TBCCD1: variants seen among roughly 807,000 people sequenced by gnomAD.
TBCCD1 encodes TBCC domain containing 1.
In TBCCD1, 26 loss-of-function variants were observed where a neutral mutation model predicts 53.4. The observed-to-expected ratio is 0.49, with a 90% CI of 0.36 to 0.68. TBCCD1 has a LOEUF of 0.68. Among genes scored for constraint, TBCCD1 ranks in the 30% least tolerant of loss-of-function variants. The pLI is 0.00. For missense variants in TBCCD1, 558 were observed against 669.5 expected, an observed-to-expected ratio of 0.83 and a Z score of 1.84; for synonymous variants, 245 against 241.7, an observed-to-expected ratio of 1.01 and a Z score of -0.13.
In TBCCD1 at chr3:186,558,747, C is replaced by CT. The variant is rs879562542; in HGVS notation, c.337-176dup. Among the ~76,000 whole-genome samples, 638 of 148,984 alleles carry CT rather than the reference C, an allele frequency of 4.3e-3. 6 individuals are homozygous for CT. The highest frequency in any genetic ancestry group is 6.6e-3 in the Non-Finnish European group (440 of 66,926). On this transcript the variant is annotated intron_variant, in intron 2 of 7. Transcript: ENST00000338733. ...TACCCAGATGTAAGAGTTTCTTTTT[C>CT]TTTTTTTTTTGAGACAGAGTTTCAC... is the stretch of plus-strand genomic sequence containing the variant.
chr3:186,564,295 G>A lies in TBCCD1; in HGVS notation c.35C>T (p.Ala12Val). Residue 12 changes from alanine to valine, a missense_variant, in exon 2 of 8, where the codon GCA (alanine) becomes GTA (valine). By Grantham distance (64) the Ala-to-Val change is moderately conservative. Coordinates refer to ENST00000338733, the MANE Select transcript of TBCCD1 (RefSeq NM_018138.5). ...DQSRVLLWVK[A>V]EPFIVGALQV... ...CAAGGCACCCACTATAAAGGGTTCT[G>A]CTTTCACCCAGAGGAGAACTCTGGA... 1 of 1,614,112 alleles carries A rather than the reference G, an allele frequency of 6.2e-7. No individual in the cohort carries two copies. Among genetic ancestry groups the A allele is most frequent in the Non-Finnish European group, 8.5e-7 (1 of 1,179,992 alleles).
At position 186,556,718 on chromosome 3, in the gene TBCCD1, C is replaced by T. The variant is rs200017022; in HGVS notation, c.550G>A (p.Glu184Lys). 1.2e-5 allele frequency: 20 copies of T among 1,613,694 alleles called. No individual in the cohort carries two copies. Among genetic ancestry groups the T allele is most frequent in the African/African-American group, 8.0e-5 (6 of 74,786 alleles). Residue 184 changes from glutamate to lysine, a missense_variant, in exon 4 of 8, where the codon GAG (glutamate) becomes AAG (lysine). Physicochemically the swap from Glu to Lys is moderately conservative, Grantham distance 56. Coordinates refer to ENST00000338733, the MANE Select transcript of TBCCD1 (RefSeq NM_018138.5). Reference sequence around the variant, plus strand: ...AGTTGTTTTGGATCTAAAAGCAGCTCGAGGAGATCAGACAGATGATCATAG... The same window carrying T: ...AGTTGTTTTGGATCTAAAAGCAGCTTGAGGAGATCAGACAGATGATCATAG... The part of the protein sequence containing the change: ...FVYDHLSDLL[E>K]LLLDPKQLTA...
upstream of TBCCD1, chr3:186,570,304 T>C (rs966772721): frequency 5.5e-6 from 3 of 541,192 alleles, no homozygotes; most frequent in Non-Finnish European, 1.0e-5. Context: ...ATTCGGAGCG[T>C]AGCTGGGTAT....
At chr3:186,556,221 T>C (rs1208103414) in intron 4 of TBCCD1, among the ~76,000 whole-genome samples, 188 bp downstream of exon 4, 1 of 152,204 alleles carries the variant, frequency 6.6e-6, no homozygotes, top group African/African-American at 2.4e-5. Flanking sequence ...TACTATCATT[T>C]TTAATATTTT....
rs1462721303 is a variant in TBCCD1, at chr3:186,551,624, A to T, written c.1545-345T>A. ...TCCAGAGGGCACCATTCACATTGTG[A>T]TCTGTGTAATCCATGCTCCTGAAGA... On this transcript the variant is annotated intron_variant, in intron 6 of 7. Transcript: ENST00000338733. Among the ~76,000 whole-genome samples, 3 of 152,192 alleles carry T rather than the reference A, an allele frequency of 2.0e-5. No homozygotes were observed. The East Asian group carries it at 5.8e-4, about 29-fold the overall frequency.
intron 3 of TBCCD1, 151 bp downstream of exon 3, chr3:186,558,266 T>G: frequency 1.0e-6 from 1 of 983,286 alleles, no homozygotes; most frequent in Admixed American, 2.7e-5. Context: ...ACACTGATTT[T>G]GTTTTATAAT....
Position 186,564,080 on chromosome 3 carries a change from T to C in TBCCD1, c.250A>G (p.Met84Val), listed in dbSNP as rs201357396. 185 of 1,614,228 alleles carry C rather than the reference T, an allele frequency of 1.1e-4. No individual in the cohort carries two copies. The highest frequency in any genetic ancestry group is 1.3e-4 in the African/African-American group (10 of 75,066). ...TCCAGGCGCTCCTCAGGTGTCTTCA[T>C]TGAAAGACTATCAAATATTTCGAAG... ...LYFEIFDSLS[M>V]KTPEERLEWS... is the part of the protein sequence containing the mutation. Residue 84 changes from methionine to valine, a missense_variant, in exon 2 of 8, where the codon ATG (methionine) becomes GTG (valine). Met to Val is a conservative substitution (Grantham distance 21). Transcript: ENST00000338733.
At position 186,554,382 on chromosome 3, in the gene TBCCD1, G is replaced by A. The variant is rs1182993868; in HGVS notation, c.1416C>T (p.Pro472=). 2 of 1,614,096 alleles carry A rather than the reference G, an allele frequency of 1.2e-6. No individual in the cohort carries two copies. Among genetic ancestry groups the A allele is most frequent in the African/African-American group, 1.3e-5 (1 of 74,934 alleles). Reference sequence around the variant, plus strand: ...CTGTTGTGTCCCCTTCCATTTCAAAGGGAATAATAAATACATAGAATTCAC... The same window carrying A: ...CTGTTGTGTCCCCTTCCATTTCAAAAGGAATAATAAATACATAGAATTCAC... ...PPCEFYVFII[P]FEMEGDTTEI... The change falls in exon 6 of 8, where the codon CCC becomes CCT. Residue 472 remains proline (P), a synonymous_variant. Coordinates refer to ENST00000338733, the MANE Select transcript of TBCCD1 (RefSeq NM_018138.5).
chr3:186,559,167 T>C (rs926648806), intron 2 of TBCCD1, among the ~76,000 whole-genome samples: 1 of 152,184 alleles, frequency 6.6e-6, no homozygotes, highest in African/African-American at 2.4e-5. Context: ...TTTAAGTACA[T>C]TATTTCAGAA....
Position 186,555,036 on chromosome 3 carries a change from G to A in TBCCD1, c.908C>T (p.Ala303Val). The A allele has an allele frequency of 6.2e-7, 1 of 1,612,944 alleles. No individual in the cohort carries two copies. The highest frequency in any genetic ancestry group is 8.5e-7 in the Non-Finnish European group (1 of 1,179,682). Residue 303 changes from alanine to valine, a missense_variant, in exon 5 of 8, where the codon GCC becomes GTC. Coordinates refer to ENST00000338733, the MANE Select transcript of TBCCD1 (RefSeq NM_018138.5). ...RAKIACNTHV[A>V]PRMHRLVVMS... ...CACTACCAGTCGGTGCATCCTAGGGGCCACATGAGTATTACAAGCAATCTT... is the reference window on the plus strand; with the variant it reads ...CACTACCAGTCGGTGCATCCTAGGGACCACATGAGTATTACAAGCAATCTT...
chr3:186,570,494 G>A, upstream of TBCCD1: 1 of 486,574 alleles, frequency 2.1e-6, no homozygotes, highest in Non-Finnish European at 3.6e-6. Context: ...TCTACGACTC[G>A]CGGTAGCTCA....
At chr3:186,563,643 T>G (rs945619023) in intron 2 of TBCCD1, among the ~76,000 whole-genome samples, 3 of 152,234 alleles carry the variant, frequency 2.0e-5, no homozygotes, top group African/African-American at 7.2e-5. Flanking sequence ...GTCTGGTAAG[T>G]AAGGACTAAT....
chr3:186,566,039 CTCTT>C (rs1714818938), intron 1 of TBCCD1, among the ~76,000 whole-genome samples: 1 of 150,778 alleles, frequency 6.6e-6, no homozygotes, highest in African/African-American at 2.5e-5. Context: ...CTGTGCTTCT[CTCTT>C]TTTTTTTTTT....
intron 7 of TBCCD1, among the ~76,000 whole-genome samples, chr3:186,549,784 T>C (rs1264229042): frequency 6.6e-6 from 1 of 152,248 alleles, no homozygotes; most frequent in Non-Finnish European, 1.5e-5. Context: ...TTGCCAGTAT[T>C]GTGTACTACC....
intron 4 of TBCCD1, among the ~76,000 whole-genome samples, 182 bp from the exon 5 acceptor site, chr3:186,555,266 T>C (rs780300334): frequency 2.0e-5 from 3 of 152,216 alleles, no homozygotes; most frequent in Non-Finnish European, 2.9e-5. Context: ...TTCCTTTCTG[T>C]ATGTTTGGAA....
chr3:186,559,213 T>C (rs1374025353), intron 2 of TBCCD1, among the ~76,000 whole-genome samples: 1 of 152,220 alleles, frequency 6.6e-6, no homozygotes, highest in Non-Finnish European at 1.5e-5. Context: ...CCAACCTTAG[T>C]AATTTGAATA....
chr3:186,547,978 C>A (rs1234677775), intron 7 of TBCCD1, among the ~76,000 whole-genome samples: 1 of 152,170 alleles, frequency 6.6e-6, no homozygotes, highest in Non-Finnish European at 1.5e-5. Flanking sequence ...AACTGCAATT[C>A]CTTTAAAAGT....
chr3:186,555,136 C>T (rs756948477), intron 4 of TBCCD1, 52 bp from the exon 5 acceptor site: 1 of 1,523,806 alleles, frequency 6.6e-7, no homozygotes, highest in Non-Finnish European at 8.8e-7. Flanking sequence ...CAAAGAAAAA[C>T]AAACAAACAT....
rs1278616286 is a variant in TBCCD1 at position 186,567,298 on chromosome 3, C to A, written c.-75G>T. The A allele has an allele frequency of 6.5e-6, 1 of 153,038 alleles. No individual in the cohort carries two copies. The highest frequency in any genetic ancestry group is 2.4e-5 in the African/African-American group (1 of 41,464). 9.5% of individuals were successfully genotyped at this position (153,038 alleles called of 1,614,324 possible). Reference sequence around the variant, plus strand: ...ATGCAGGCGCCGCTCCGCCGCACTTCTCCGCGCGCCGCCGCGCCCGGCGTC... The same window carrying A: ...ATGCAGGCGCCGCTCCGCCGCACTTATCCGCGCGCCGCCGCGCCCGGCGTC... On this transcript the variant is annotated 5_prime_UTR_variant, in exon 1 of 8. Transcript: ENST00000338733.
Sources: allele counts gnomAD v4.1 joint callset (sites outside exome capture counted in the v4.1 genomes callset), GRCh38; gene constraint gnomAD v4.1.1; transcripts MANE v1.5; gene names NCBI Gene and HGNC (gene_info 2026-07-23, HGNC 2026-07-21).